PDE10A: variants seen among roughly 807,000 people sequenced by gnomAD.
PDE10A encodes the protein phosphodiesterase 10A, also known as cAMP and cAMP-inhibited cGMP 3',5'-cyclic phosphodiesterase 10A.
PDE10A carries 39 observed loss-of-function variants against 97.7 expected under a neutral mutation model. The observed-to-expected ratio is 0.40, with a 90% CI of 0.31 to 0.52. The LOEUF (loss-of-function observed/expected upper bound fraction) is 0.52. Ranked by LOEUF, PDE10A falls within the 20% of genes least tolerant of loss-of-function variation. The pLI is 0.56. For missense variants in PDE10A, 731 were observed against 1,047.8 expected (o/e 0.70, Z 4.17); for synonymous variants, 371 against 376.8 (o/e 0.98, Z 0.18).
intron 1 of PDE10A, among the ~76,000 whole-genome samples, chr6:165,926,410 C>A (rs545807002): frequency 4.4e-4 from 67 of 152,300 alleles, no homozygotes; most frequent in Admixed American, 1.0e-3. Flanking sequence ...TGGCTTTTTC[C>A]ATAGTATTTG....
chr6:165,581,712 G>A (rs1785626656), intron 1 of PDE10A, among the ~76,000 whole-genome samples: 1 of 152,212 alleles, frequency 6.6e-6, no homozygotes, highest in Non-Finnish European at 1.5e-5. Context: ...TACAATTTGA[G>A]AATTTTGCTT....
chr6:165,954,976 G>T (rs906385360), intron 1 of PDE10A, among the ~76,000 whole-genome samples: 16 of 152,148 alleles, frequency 1.1e-4, no homozygotes, highest in Admixed American at 3.3e-4. Flanking sequence ...CGTAGCTCCA[G>T]CCTGGCCCAT....
chr6:165,346,530 C>A (rs1782321291), intron 18 of PDE10A, among the ~76,000 whole-genome samples: 1 of 152,156 alleles, frequency 6.6e-6, no homozygotes, highest in South Asian at 2.1e-4. Flanking sequence ...AAGAGGCGGG[C>A]ACCTCTCCGC....
chr6:165,701,271 T>C (rs1340966855), intron 1 of PDE10A, among the ~76,000 whole-genome samples: 1 of 152,232 alleles, frequency 6.6e-6, no homozygotes, highest in Non-Finnish European at 1.5e-5. Context: ...TCTGACGGTC[T>C]TGGGTGGCTA....
Position 165,388,442 on chromosome 6 carries a change from C to A in PDE10A, c.2466G>T (p.Leu822=). The change falls in exon 17 of 22, where the codon CTG becomes CTT. Residue 822 remains leucine (L), a synonymous_variant. Coordinates refer to ENST00000539869, the MANE Select transcript of PDE10A (RefSeq NM_001385079.1). This position sits in a 1 kb window ranked among gnomAD's most constrained non-coding sequence, Gnocchi z 4.0. ...TLFTDLERKG[L]LIACLCHDLD... is the part of the protein sequence containing the mutation. ...GGTCATGACACAGACACGCAATCAGCAGTCCTTTGCGCTTTAAAAAATAAT... is the reference window on the plus strand; with the variant it reads ...GGTCATGACACAGACACGCAATCAGAAGTCCTTTGCGCTTTAAAAAATAAT... 1 of 1,614,070 alleles carries A rather than the reference C, an allele frequency of 6.2e-7. No homozygotes were observed. Among genetic ancestry groups the A allele is most frequent in the Non-Finnish European group, 8.5e-7 (1 of 1,179,960 alleles).
At chr6:165,605,620 T>C (rs1425461726) in intron 1 of PDE10A, among the ~76,000 whole-genome samples, 1 of 152,162 alleles carries the variant, frequency 6.6e-6, no homozygotes, top group Non-Finnish European at 1.5e-5. Flanking sequence ...CCTTCCTTTG[T>C]GCTCTCGGTG....
intron 1 of PDE10A, among the ~76,000 whole-genome samples, chr6:165,853,744 T>C (rs566992448): frequency 2.0e-5 from 3 of 152,126 alleles, no homozygotes; most frequent in Admixed American, 2.0e-4. Context: ...AAAAAAACAA[T>C]GAATGTAACT....
intron 18 of PDE10A, among the ~76,000 whole-genome samples, chr6:165,377,862 A>T (rs1012548449): frequency 3.3e-5 from 5 of 152,224 alleles, no homozygotes; most frequent in African/African-American, 1.2e-4. Flanking sequence ...GACATGCTAG[A>T]ACACCCTAAT....
chr6:165,441,305 T>C (rs547106436), intron 5 of PDE10A, among the ~76,000 whole-genome samples: 1 of 152,368 alleles, frequency 6.6e-6, no homozygotes, highest in African/African-American at 2.4e-5. Flanking sequence ...GTGCTGTAAC[T>C]AGCTGCTGAT....
chr6:165,448,502 T>C (rs1472885539), intron 5 of PDE10A, among the ~76,000 whole-genome samples: 1 of 152,134 alleles, frequency 6.6e-6, no homozygotes, highest in African/African-American at 2.4e-5. Flanking sequence ...CTAGGACTTT[T>C]AGAGTCATCT....
At chr6:165,618,886 G>A (rs530392036) in intron 1 of PDE10A, among the ~76,000 whole-genome samples, 1 of 152,340 alleles carries the variant, frequency 6.6e-6, no homozygotes, top group South Asian at 2.1e-4. Flanking sequence ...CTAGGAGCAT[G>A]GGCTGGCTGC....
chr6:165,728,702 A>T (rs777684276), intron 1 of PDE10A, among the ~76,000 whole-genome samples: 3 of 152,146 alleles, frequency 2.0e-5, no homozygotes, highest in Non-Finnish European at 2.9e-5. Context: ...GAATATTCTG[A>T]TATAAGACAC....
At chr6:165,857,782 T>C (rs999548339) in intron 1 of PDE10A, among the ~76,000 whole-genome samples, 4 of 151,702 alleles carry the variant, frequency 2.6e-5, no homozygotes, top group African/African-American at 9.7e-5. Flanking sequence ...ATTAGGGCAA[T>C]GCATCATGAG....
chr6:165,484,156 G>T (rs1167085616), intron 2 of PDE10A, among the ~76,000 whole-genome samples: 1 of 152,174 alleles, frequency 6.6e-6, no homozygotes, highest in Non-Finnish European at 1.5e-5. Context: ...CCTGTGTAAG[G>T]GAACATTGCC....
chr6:165,381,935 A>C (rs1784962119), intron 17 of PDE10A, among the ~76,000 whole-genome samples: 1 of 152,168 alleles, frequency 6.6e-6, no homozygotes, highest in African/African-American at 2.4e-5. Context: ...AAATCCTTAT[A>C]ATGCATTATA....
intron 2 of PDE10A, among the ~76,000 whole-genome samples, chr6:165,502,334 G>A (rs1780939403): frequency 6.6e-6 from 1 of 152,084 alleles, no homozygotes. Flanking sequence ...GCCACAGACT[G>A]GGAGAAAGTA....
chr6:165,831,488 T>TA (rs1779913748), intron 1 of PDE10A, among the ~76,000 whole-genome samples: 1 of 149,022 alleles, frequency 6.7e-6, no homozygotes, highest in Non-Finnish European at 1.5e-5. Flanking sequence ...CTTTTTTTTT[T>TA]TTTATTTGAG....
intron 1 of PDE10A, among the ~76,000 whole-genome samples, chr6:165,565,022 A>T (rs965674441): frequency 6.6e-6 from 1 of 152,226 alleles, no homozygotes; most frequent in African/African-American, 2.4e-5. Context: ...AAGACAAAAA[A>T]TAGGTAATAG....
intron 17 of PDE10A, among the ~76,000 whole-genome samples, chr6:165,384,253 G>A (rs942584677): frequency 1.3e-5 from 2 of 152,046 alleles, no homozygotes; most frequent in Non-Finnish European, 1.5e-5. Context: ...TAGGGATGGT[G>A]CTTGCCACTT....
Sources: gnomAD v4.1 joint callset for allele counts (sites outside exome capture counted in the v4.1 genomes callset) on GRCh38, gnomAD v4.1.1 for gene constraint, Gnocchi (gnomAD v3.1) non-coding constraint, MANE v1.5 for transcripts, NCBI Gene and HGNC (gene_info 2026-07-23, HGNC 2026-07-21) for gene names.